The following DIAPH2 variants were observed in gnomAD, a reference collection of about 807,000 sequenced individuals.
DIAPH2 encodes protein diaphanous homolog 2.
A neutral mutation model predicts 92.7 loss-of-function variants in DIAPH2; 35 were observed. The ratio of observed to expected loss-of-function variants is 0.38; its 90% CI spans 0.29 to 0.50. DIAPH2 has a LOEUF of 0.50. DIAPH2 is among the 20% of genes least tolerant of loss of function. DIAPH2 has a pLI of 0.94. For missense variants in DIAPH2, 701 were observed against 819.5 expected (o/e 0.86, Z 1.77); for synonymous variants, 301 against 280.4 (o/e 1.07, Z -0.73).
intron 4 of DIAPH2, among the ~76,000 whole-genome samples, chrX:96,859,405 A>G (rs62597707): frequency 0.075 from 8,262 of 109,937 alleles, 339 homozygotes; most frequent in Non-Finnish European, 0.12. Flanking sequence ...ACTTTATTGA[A>G]TTTAGCAAGA....
At chrX:97,130,050 C>T (rs1331216453) in intron 21 of DIAPH2, among the ~76,000 whole-genome samples, 3 of 111,919 alleles carry the variant, frequency 2.7e-5, no homozygotes, top group Non-Finnish European at 3.8e-5. Context: ...ATCAAAACCA[C>T]AATGAAATAC....
At chrX:97,054,557 A>G (rs1474851127) in intron 17 of DIAPH2, among the ~76,000 whole-genome samples, 1 of 111,699 alleles carries the variant, frequency 9.0e-6, no homozygotes, top group Non-Finnish European at 1.9e-5. Context: ...TAGCCTAGCC[A>G]AATGTGTTCA....
chrX:97,188,198 C>T (rs1602403164), intron 22 of DIAPH2, among the ~76,000 whole-genome samples: 1 of 111,799 alleles, frequency 8.9e-6, no homozygotes, highest in Non-Finnish European at 1.9e-5. Flanking sequence ...AGGAGGATAA[C>T]CAAAATCTGT....
intron 1 of DIAPH2, among the ~76,000 whole-genome samples, chrX:96,717,484 C>T (rs911104087): frequency 9.3e-6 from 1 of 107,338 alleles, no homozygotes; most frequent in Non-Finnish European, 1.9e-5. Context: ...TATATCCTCC[C>T]GATAATTGAC....
chrX:97,291,941 A>G, intron 23 of DIAPH2, among the ~76,000 whole-genome samples: 1 of 111,894 alleles, frequency 8.9e-6, no homozygotes, highest in Non-Finnish European at 1.9e-5. Context: ...GGAAACAGTT[A>G]AGTCACTTGC....
At chrX:96,712,795 T>C (rs1371603214) in intron 1 of DIAPH2, among the ~76,000 whole-genome samples, 1 of 111,773 alleles carries the variant, frequency 8.9e-6, no homozygotes, top group Non-Finnish European at 1.9e-5. Flanking sequence ...CTCTGGTCAC[T>C]TTCTGATCAT....
At chrX:97,100,265 G>A (rs1411550117) in intron 20 of DIAPH2, among the ~76,000 whole-genome samples, 1 of 111,489 alleles carries the variant, frequency 9.0e-6, no homozygotes, top group Non-Finnish European at 1.9e-5. Context: ...TTCATATAGA[G>A]TGTCATTAAT....
chrX:96,800,450 C>T (rs2064574064), intron 4 of DIAPH2, among the ~76,000 whole-genome samples: 3 of 111,809 alleles, frequency 2.7e-5, no homozygotes, highest in African/African-American at 9.8e-5. Flanking sequence ...ACTGCCAGCA[C>T]CCCTCTGTGA....
chrX:96,756,154 T>C (rs980907088), intron 3 of DIAPH2, among the ~76,000 whole-genome samples: 1 of 111,864 alleles, frequency 8.9e-6, no homozygotes, highest in African/African-American at 3.2e-5. Flanking sequence ...CGTGAGCCAC[T>C]GTGCGTGGCC....
chrX:97,147,810 T>C (rs1237990913), intron 22 of DIAPH2, among the ~76,000 whole-genome samples: 1 of 111,534 alleles, frequency 9.0e-6, no homozygotes, highest in Non-Finnish European at 1.9e-5. Flanking sequence ...TACCTTTTGA[T>C]ATCTGCCATG....
At chrX:97,479,567 A>G (rs2070635971) in intron 26 of DIAPH2, among the ~76,000 whole-genome samples, 1 of 111,739 alleles carries the variant, frequency 8.9e-6, no homozygotes, top group Admixed American at 9.5e-5. Flanking sequence ...TTTCCCTTGC[A>G]TGTTCTATTT....
intron 3 of DIAPH2, among the ~76,000 whole-genome samples, chrX:96,757,185 G>A (rs1291810482): frequency 9.0e-6 from 1 of 111,034 alleles, no homozygotes; most frequent in Non-Finnish European, 1.9e-5. Flanking sequence ...CCAAAGTGCT[G>A]GGATTACAGG....
intron 22 of DIAPH2, among the ~76,000 whole-genome samples, chrX:97,149,674 T>C: frequency 1.1e-5 from 1 of 87,185 alleles, no homozygotes; most frequent in South Asian, 6.7e-4. Context: ...GAGGCTGCAG[T>C]GAGCCGAGAT....
At chrX:96,806,667 A>AAAAT (rs1212398269) in intron 4 of DIAPH2, among the ~76,000 whole-genome samples, 2 of 65,840 alleles carry the variant, frequency 3.0e-5, no homozygotes, top group Non-Finnish European at 5.4e-5. Context: ...AAAAAAAAGA[A>AAAAT]ACAAAGAAAT....
At chrX:97,006,141 T>G (rs2147859889) in intron 17 of DIAPH2, among the ~76,000 whole-genome samples, 1 of 111,938 alleles carries the variant, frequency 8.9e-6, no homozygotes, top group African/African-American at 3.2e-5. Context: ...TATTGATTTC[T>G]AGTTTTATTC....
At chrX:97,051,365 G>A (rs2066518817) in intron 17 of DIAPH2, among the ~76,000 whole-genome samples, 1 of 109,581 alleles carries the variant, frequency 9.1e-6, no homozygotes, top group Non-Finnish European at 1.9e-5. Flanking sequence ...GGGTTTGGGG[G>A]GTGTGTTTAG....
intron 21 of DIAPH2, among the ~76,000 whole-genome samples, chrX:97,140,805 T>G (rs1396977962): frequency 1.8e-5 from 2 of 111,792 alleles, no homozygotes; most frequent in Non-Finnish European, 3.8e-5. Flanking sequence ...CTAAACAGAG[T>G]AATCCTTAAA....
rs369521457 is a variant in DIAPH2, at chrX:96,967,395, T to TATTCATTCATTC, written c.2050+2208_2050+2219dup. 8.1e-3 allele frequency among the ~76,000 whole-genome samples: 857 copies of TATTCATTCATTC among 105,790 alleles called. 5 individuals carry two copies. Among genetic ancestry groups the TATTCATTCATTC allele is most frequent in the South Asian group, 0.026 (58 of 2,234 alleles). 91.9% of individuals were successfully genotyped at this position (105,790 alleles called of 115,157 possible). The stretch of plus-strand genomic sequence containing the variant: ...TTTTTTATTTTTATATTTATTTATT[T>TATTCATTCATTC]ATTCATTCATTCATTCATTCATTCA... On this transcript the variant is annotated intron_variant, in intron 17 of 26. Transcript: ENST00000324765.
At chrX:97,433,494 T>A (rs760986093) in intron 26 of DIAPH2, among the ~76,000 whole-genome samples, 3 of 111,847 alleles carry the variant, frequency 2.7e-5, no homozygotes, top group South Asian at 7.5e-4. Context: ...CCAGCCTGGA[T>A]GACAGAGCCA....
Sources: allele counts gnomAD v4.1 joint callset (sites outside exome capture counted in the v4.1 genomes callset), GRCh38; gene constraint gnomAD v4.1.1; transcripts MANE v1.5; gene names NCBI Gene and HGNC (gene_info 2026-07-23, HGNC 2026-07-21).